CDK14: variants seen among roughly 807,000 people sequenced by gnomAD.
CDK14 encodes the protein cyclin-dependent kinase 14.
In CDK14, 34 loss-of-function variants were observed where a neutral mutation model predicts 60.7. The ratio of observed to expected loss-of-function variants is 0.56; its 90% CI spans 0.43 to 0.75. The LOEUF is 0.75. CDK14 is among the 30% of genes least tolerant of loss of function. The probability of loss-of-function intolerance (pLI) is 0.00; values close to 1 mark genes in which losing one functional copy is unlikely to be tolerated. For missense variants in CDK14, 482 were observed against 564.1 expected, an observed-to-expected ratio of 0.85 and a Z score of 1.47; for synonymous variants, 197 against 203.7, an observed-to-expected ratio of 0.97 and a Z score of 0.28.
At position 90,946,291 on chromosome 7, in the gene CDK14, CATTTA is replaced by C. The variant is rs1562839836; in HGVS notation, c.827-9405_827-9401del. On this transcript the variant is annotated intron_variant, in intron 8 of 14. Transcript: ENST00000380050. The stretch of plus-strand genomic sequence containing the variant: ...TTCTTTTGGAGATTCAAAGTTGTGA[CATTTA>C]TTTACTACATTAGCAATGCCCAACT... Among the ~76,000 whole-genome samples the C allele has an allele frequency of 1.1e-4, 17 of 152,210 alleles. No individual in the cohort carries two copies. In the South Asian group the frequency reaches 3.5e-3, roughly 32 times the overall value.
In CDK14 at chr7:90,954,925, CT is replaced by C. The variant is rs1243306819; in HGVS notation, c.827-760del. The stretch of plus-strand genomic sequence containing the variant: ...CAGGCGTGAGCCACCGCGCCCGGCC[CT>C]TTTTTTTTTTTAGAGGGAAAAAAAA... On this transcript the variant is annotated intron_variant, in intron 8 of 14. Coordinates refer to ENST00000380050, the MANE Select transcript of CDK14 (RefSeq NM_001287135.2). 1.1e-4 allele frequency among the ~76,000 whole-genome samples: 12 copies of C among 111,546 alleles called. 1 individual carries two copies. Among genetic ancestry groups the C allele is most frequent in the South Asian group, 5.8e-4 (2 of 3,478 alleles). The allele number at this position is 111,546 out of a possible 152,430, so 73.2% of individuals were successfully genotyped here.
At chr7:90,824,521 G>A (rs928130457) in intron 5 of CDK14, 2 of 152,212 alleles carry the variant, frequency 1.3e-5, no homozygotes, top group Non-Finnish European at 2.9e-5. Flanking sequence ...AATCTCAGCA[G>A]AAGAGTAGCT....
At chr7:91,183,500 C>T (rs1164134557) in intron 14 of CDK14, among the ~76,000 whole-genome samples, 10 of 152,108 alleles carry the variant, frequency 6.6e-5, no homozygotes, top group African/African-American at 9.7e-5. Flanking sequence ...CTTGATTTCC[C>T]GCCCTTTTCT....
intron 5 of CDK14, among the ~76,000 whole-genome samples, chr7:90,852,736 T>A (rs2117185296): frequency 6.6e-6 from 1 of 152,298 alleles, no homozygotes; most frequent in Admixed American, 6.5e-5. Context: ...CTCAGTGTAT[T>A]AGTGACATTC....
At chr7:91,115,758 C>T (rs1163166650) in intron 13 of CDK14, among the ~76,000 whole-genome samples, 1 of 152,168 alleles carries the variant, frequency 6.6e-6, no homozygotes, top group Non-Finnish European at 1.5e-5. Flanking sequence ...ACACAGAGCC[C>T]TGCAGTCATT....
chr7:91,040,832 C>T lies in CDK14; in HGVS notation c.1042-5065C>T, dbSNP rs370501354. On this transcript the variant is annotated intron_variant, in intron 10 of 14. Coordinates refer to ENST00000380050, the MANE Select transcript of CDK14 (RefSeq NM_001287135.2). ...GGACTCCTGTTGAGCAGCTCTGAGGCCTGTGCAAAAGCAAAGACTAGAAAG... is the reference window on the plus strand; with the variant it reads ...GGACTCCTGTTGAGCAGCTCTGAGGTCTGTGCAAAAGCAAAGACTAGAAAG... Among the ~76,000 whole-genome samples the T allele has an allele frequency of 2.9e-4, 44 of 152,294 alleles. No homozygotes were observed. The East Asian group carries it at 4.0e-3, about 14-fold the overall frequency.
intron 14 of CDK14, among the ~76,000 whole-genome samples, chr7:91,153,219 A>G (rs705362): frequency 0.95 from 144,611 of 152,232 alleles, 68,719 homozygotes; most frequent in East Asian, 0.99. Flanking sequence ...TGATGCAGCA[A>G]ACAATAAGTA....
chr7:90,685,106 T>C (rs1019070869), intron 2 of CDK14, among the ~76,000 whole-genome samples: 2 of 152,068 alleles, frequency 1.3e-5, no homozygotes, highest in Admixed American at 6.5e-5. Context: ...TTTCATCTTT[T>C]ATATTTACAT....
chr7:90,826,444 C>T (rs900087338), intron 5 of CDK14, among the ~76,000 whole-genome samples: 9 of 152,032 alleles, frequency 5.9e-5, no homozygotes, highest in Non-Finnish European at 1.0e-4. Flanking sequence ...GTCTTGATCA[C>T]CTGACCTCAT....
intron 2 of CDK14, chr7:90,709,431 C>T (rs1801979601): frequency 6.8e-7 from 1 of 1,473,920 alleles, no homozygotes; most frequent in Non-Finnish European, 9.0e-7. Context: ...TCCTCCTATG[C>T]AATCACCATT....
chr7:90,864,486 T>C (rs1791110464), intron 6 of CDK14, among the ~76,000 whole-genome samples: 2 of 152,196 alleles, frequency 1.3e-5, no homozygotes, highest in African/African-American at 4.8e-5. Context: ...CTAGATTTTC[T>C]TTACTATGCT....
At chr7:90,889,514 C>T (rs768434678) in intron 6 of CDK14, among the ~76,000 whole-genome samples, 11 of 152,108 alleles carry the variant, frequency 7.2e-5, no homozygotes, top group South Asian at 2.1e-4. Flanking sequence ...ATGTAAGACA[C>T]GTACAGGTTT....
chr7:90,680,893 A>AT (rs1328054642), intron 2 of CDK14, among the ~76,000 whole-genome samples: 1 of 152,208 alleles, frequency 6.6e-6, no homozygotes, highest in Non-Finnish European at 1.5e-5. Context: ...GGCAAACAAG[A>AT]TTTTGGCCAT....
At chr7:90,605,502 G>C (rs1169905586) in intron 2 of CDK14, among the ~76,000 whole-genome samples, 1 of 152,070 alleles carries the variant, frequency 6.6e-6, no homozygotes, top group Non-Finnish European at 1.5e-5. Context: ...ATGTATTTCT[G>C]GAATTTCGGT....
rs148509596 is a variant in CDK14, at chr7:90,722,649, C to T, written c.124-3918C>T. On this transcript the variant is annotated intron_variant, in intron 2 of 14. Coordinates refer to ENST00000380050, the MANE Select transcript of CDK14 (RefSeq NM_001287135.2). ...TTTTTTCTCAAAAATTAGGGAAAGG[C>T]GGCCCTCTTCTGTCTTAATGATAGA... Among the ~76,000 whole-genome samples, 1,407 of 151,546 alleles carry T rather than the reference C, an allele frequency of 9.3e-3. 31 individuals are homozygous for T. Among genetic ancestry groups the T allele is most frequent in the African/African-American group, 0.033 (1,346 of 41,286 alleles).
At chr7:90,735,809 C>T (rs371237804) in intron 3 of CDK14, among the ~76,000 whole-genome samples, 2 of 152,344 alleles carry the variant, frequency 1.3e-5, no homozygotes, top group African/African-American at 4.8e-5. Context: ...TCCCTGGCTT[C>T]AGCCCCCTTT....
At chr7:91,096,040 A>AT (rs1451422464) in intron 12 of CDK14, among the ~76,000 whole-genome samples, 2 of 107,168 alleles carry the variant, frequency 1.9e-5, no homozygotes, top group East Asian at 3.2e-4. Flanking sequence ...ATTTTCAGTT[A>AT]TTTATCTATA....
intron 2 of CDK14, among the ~76,000 whole-genome samples, chr7:90,715,863 C>G (rs1157161528): frequency 6.6e-6 from 1 of 151,604 alleles, no homozygotes; most frequent in Non-Finnish European, 1.5e-5. Flanking sequence ...CAAAGTCACC[C>G]GCTTGCTCTG....
At chr7:91,175,572 T>A in intron 14 of CDK14, among the ~76,000 whole-genome samples, 1 of 151,988 alleles carries the variant, frequency 6.6e-6, no homozygotes, top group Non-Finnish European at 1.5e-5. Context: ...CCATCTCACG[T>A]GCAGAGACAC....
Sources: allele counts gnomAD v4.1 joint callset (sites outside exome capture counted in the v4.1 genomes callset), GRCh38; gene constraint gnomAD v4.1.1; transcripts MANE v1.5; gene names NCBI Gene and HGNC (gene_info 2026-07-23, HGNC 2026-07-21).